Variants in AMACR observed in about 807,000 individuals in gnomAD.
The protein encoded by AMACR is alpha-methylacyl-CoA racemase.
Under a neutral mutation model 22.2 loss-of-function variants are expected in AMACR, and 18 were observed. That is an observed-to-expected ratio of 0.81 (90% CI 0.56 to 1.20). The LOEUF is 1.20. AMACR is among the 50% of genes most tolerant of loss of function. The pLI is 0.00. For missense variants in AMACR, 499 were observed against 490.6 expected (o/e 1.02, Z -0.16); for synonymous variants, 213 against 191.3 (o/e 1.11, Z -0.94).
intron 4 of AMACR, among the ~76,000 whole-genome samples, chr5:33,994,327 C>T (rs867560589): frequency 8.5e-5 from 13 of 152,214 alleles, no homozygotes; most frequent in South Asian, 6.2e-4. Context: ...TACAGACACG[C>T]GCCACCATAC....
intron 3 of AMACR, among the ~76,000 whole-genome samples, chr5:34,001,153 G>C (rs367882958): frequency 3.3e-5 from 5 of 152,320 alleles, no homozygotes; most frequent in Admixed American, 2.0e-4. Context: ...AGAGCCCCCT[G>C]ACACAGGGAA....
At position 34,007,989 on chromosome 5, in the gene AMACR, G is replaced by C. The variant is rs1032174171; in HGVS notation, c.31C>G (p.Leu11Val). The C allele has an allele frequency of 9.3e-6, 15 of 1,611,596 alleles. No homozygotes were observed. Among genetic ancestry groups the C allele is most frequent in the Non-Finnish European group, 1.3e-5 (15 of 1,179,804 alleles). The change falls in exon 1 of 5, where the codon CTG becomes GTG. Residue 11 changes from leucine (L) to valine (V), a missense_variant. Leu to Val is a conservative substitution (Grantham distance 32). Transcript: ENST00000335606. MALQGISVVE[L>V]SGLAPGPFCA... is the part of the protein sequence containing the mutation. ...AACGGGCCCGGGGCCAGGCCGGACA[G>C]CTCCACGACCGAGATGCCCTGCAGT...
At chr5:34,005,639 T>C in intron 2 of AMACR, 117 bp downstream of exon 2, 1 of 1,300,356 alleles carries the variant, frequency 7.7e-7, no homozygotes, top group Non-Finnish European at 1.1e-6. Context: ...CCATGCTCTC[T>C]TGATTGATTC....
rs538543287 is a variant in AMACR at position 33,998,916 on chromosome 5, C to G, written c.553-89G>C. 1.1e-4 allele frequency: 135 copies of G among 1,278,890 alleles called. No individual in the cohort carries two copies. In the Middle Eastern group the frequency reaches 1.9e-3, roughly 18 times the overall value. The allele number at this position is 1,278,890 out of a possible 1,614,324, so 79.2% of individuals were successfully genotyped here. On this transcript the variant is annotated intron_variant, in intron 3 of 4. Coordinates refer to ENST00000335606, the MANE Select transcript of AMACR (RefSeq NM_014324.6). ...TCCCATTCAAGTTAAAAAAAATTTG[C>G]GTAAAAATTCTTATCTTAGAGTATA...
chr5:34,007,978 C>T lies in AMACR; in HGVS notation c.42G>A (p.Leu14=). 6.2e-7 allele frequency: 1 copy of T among 1,611,580 alleles called. No homozygotes were observed. Residue 14 remains leucine (L), a synonymous_variant, in exon 1 of 5, where the codon CTG becomes CTA. Coordinates refer to ENST00000335606, the MANE Select transcript of AMACR (RefSeq NM_014324.6). ...QGISVVELSG[L]APGPFCAMVL... is the part of the protein sequence containing the mutation. ...CCATAGCACAGAACGGGCCCGGGGC[C>T]AGGCCGGACAGCTCCACGACCGAGA... is the stretch of plus-strand genomic sequence containing the variant.
At position 33,988,215 on chromosome 5, in the gene AMACR, C is replaced by G. The variant is rs1476298544; in HGVS notation, c.*878G>C. On this transcript the variant is annotated 3_prime_UTR_variant, in exon 5 of 5. Coordinates refer to ENST00000335606, the MANE Select transcript of AMACR (RefSeq NM_014324.6). ...GGCTGGTTTTATGTAAAGACAATCC[C>G]GTCTTCTTTGTCAAAGACAGGTATA... is the stretch of plus-strand genomic sequence containing the variant. 1 of 1,161,558 alleles carries G rather than the reference C, an allele frequency of 8.6e-7. No homozygotes were observed. The highest frequency in any genetic ancestry group is 1.5e-5 in the African/African-American group (1 of 64,934). The allele number at this position is 1,161,558 out of a possible 1,614,324, so 72.0% of individuals were successfully genotyped here.
intron 4 of AMACR, chr5:33,997,857 G>T (rs1233100906): frequency 1.9e-5 from 6 of 323,398 alleles, no homozygotes; most frequent in Non-Finnish European, 3.3e-5. Flanking sequence ...TTTAAAAAAA[G>T]TCATTCCAGC....
Position 33,998,785 on chromosome 5 carries a change from G to C in AMACR, c.595C>G (p.Gln199Glu). The C allele has an allele frequency of 6.2e-7, 1 of 1,613,980 alleles. No homozygotes were observed. The highest frequency in any genetic ancestry group is 8.5e-7 in the Non-Finnish European group (1 of 1,179,978). ...AYLSSFLWKTQKLSLWEAPRG... is the reference protein window; with the variant it reads ...AYLSSFLWKTEKLSLWEAPRG... ...GGTGCTTCCCACAGACTCAATTTCTGAGTTTTCCACAGAAAAGAACTTAAA... is the reference window on the plus strand; with the variant it reads ...GGTGCTTCCCACAGACTCAATTTCTCAGTTTTCCACAGAAAAGAACTTAAA... The change falls in exon 4 of 5, where the codon CAG (glutamine) becomes GAG (glutamate). Residue 199 changes from glutamine (Q) to glutamate (E), a missense_variant. Physicochemically the swap from Gln to Glu is conservative, Grantham distance 29. Transcript: ENST00000335606.
chr5:33,988,279 A>C lies in AMACR; in HGVS notation c.*814T>G. ...ACTTAACTCAGTCCAAGGAGACACA[A>C]AACGACTTGCTGGGGGGTCCTGAGA... On this transcript the variant is annotated 3_prime_UTR_variant, in exon 5 of 5. Transcript: ENST00000335606. The C allele has an allele frequency of 1.3e-6, 2 of 1,531,048 alleles. No homozygotes were observed. Among genetic ancestry groups the C allele is most frequent in the Non-Finnish European group, 1.8e-6 (2 of 1,141,316 alleles). 94.8% of individuals were successfully genotyped at this position (1,531,048 alleles called of 1,614,324 possible).
At chr5:34,005,353 T>A (rs188899773) in intron 2 of AMACR, among the ~76,000 whole-genome samples, 17 of 152,318 alleles carry the variant, frequency 1.1e-4, no homozygotes, top group African/African-American at 3.8e-4. Context: ...ACTCAGGCAA[T>A]GATTCTCAAT....
chr5:33,988,914 A>C lies in AMACR; in HGVS notation c.*179T>G. 7.0e-7 allele frequency: 1 copy of C among 1,432,922 alleles called. No homozygotes were observed. Among genetic ancestry groups the C allele is most frequent in the Non-Finnish European group, 9.1e-7 (1 of 1,099,454 alleles). The allele number at this position is 1,432,922 out of a possible 1,614,324, so 88.8% of individuals were successfully genotyped here. A position where few individuals can be genotyped will look rare whatever the true frequency, so the allele number is the denominator to read the frequency against. On this transcript the variant is annotated 3_prime_UTR_variant, in exon 5 of 5. Coordinates refer to ENST00000335606, the MANE Select transcript of AMACR (RefSeq NM_014324.6). ...AAAGTTTTATAAATCAAAAGCCCTA[A>C]TGATAACCATTTTTAGAATTCAATC...
In AMACR at chr5:33,988,644, A is replaced by G. The variant is rs550502356; in HGVS notation, c.*449T>C. 751 of 1,254,176 alleles carry G rather than the reference A, an allele frequency of 6.0e-4. 11 individuals carry two copies. In the South Asian group the frequency reaches 0.014, roughly 23 times the overall value. The allele number at this position is 1,254,176 out of a possible 1,614,324, so 77.7% of individuals were successfully genotyped here. ...AGGGAGATCATGAACACCAAGACAA[A>G]AGGCCTGGATGCAACCAATCACTCT... On this transcript the variant is annotated 3_prime_UTR_variant, in exon 5 of 5. Transcript: ENST00000335606.
intron 4 of AMACR, among the ~76,000 whole-genome samples, chr5:33,992,450 G>A (rs1380019995): frequency 6.6e-6 from 1 of 151,806 alleles, no homozygotes; most frequent in Non-Finnish European, 1.5e-5. Context: ...GCTCACGCCT[G>A]TAATCCCAGC....
rs1429925001 is a variant in AMACR at position 33,987,469 on chromosome 5, G to T, written c.*1624C>A. 3 of 152,196 alleles carry T rather than the reference G, an allele frequency of 2.0e-5. No homozygotes were observed. Among genetic ancestry groups the T allele is most frequent in the Non-Finnish European group, 2.9e-5 (2 of 68,046 alleles). The allele number at this position is 152,196 out of a possible 1,614,324, so 9.4% of individuals were successfully genotyped here. On this transcript the variant is annotated 3_prime_UTR_variant, in exon 5 of 5. Coordinates refer to ENST00000335606, the MANE Select transcript of AMACR (RefSeq NM_014324.6). ...AGAGTGACCTCACAAGAGTATCTCA[G>T]AATATTTAAAAATTTGAACACACAA...
chr5:33,991,627 A>G (rs1753476254), intron 4 of AMACR, among the ~76,000 whole-genome samples: 1 of 152,078 alleles, frequency 6.6e-6, no homozygotes, highest in Non-Finnish European at 1.5e-5. Flanking sequence ...CATGCCATAA[A>G]CTTTACTGCT....
intron 4 of AMACR, chr5:33,997,554 T>C: frequency 1.3e-6 from 1 of 776,972 alleles, no homozygotes; most frequent in Non-Finnish European, 2.4e-6. Context: ...ATGAATATCA[T>C]TTGCTATCTT....
At chr5:33,994,226 C>A (rs543057298) in intron 4 of AMACR, 1 of 339,982 alleles carries the variant, frequency 2.9e-6, no homozygotes. Context: ...GTCACCCAGG[C>A]TGGAGGGCAG....
intron 3 of AMACR, 33 bp from the exon 4 acceptor site, chr5:33,998,860 A>G: frequency 6.2e-7 from 1 of 1,603,108 alleles, no homozygotes; most frequent in South Asian, 1.1e-5. Context: ...ACAAATCCAG[A>G]TAACTCAAGT....
chr5:33,988,154 C>T lies in AMACR; in HGVS notation c.*939G>A. ...TGGAATCTACCCCTTCCTCACATGC[C>T]TTTAGGAAGTTGAGTCCAGGGAAGC... On this transcript the variant is annotated 3_prime_UTR_variant, in exon 5 of 5. Coordinates refer to ENST00000335606, the MANE Select transcript of AMACR (RefSeq NM_014324.6). 1.6e-6 allele frequency: 1 copy of T among 634,168 alleles called. No homozygotes were observed. Among genetic ancestry groups the T allele is most frequent in the Non-Finnish European group, 2.7e-6 (1 of 374,892 alleles). The allele number at this position is 634,168 out of a possible 1,614,324, so 39.3% of individuals were successfully genotyped here. A position where few individuals can be genotyped will look rare whatever the true frequency, so the allele number is the denominator to read the frequency against.
Sources: allele counts gnomAD v4.1 joint callset (sites outside exome capture counted in the v4.1 genomes callset), GRCh38; gene constraint gnomAD v4.1.1; transcripts MANE v1.5; gene names NCBI Gene and HGNC (gene_info 2026-07-23, HGNC 2026-07-21).